Variants in EPHB2 observed in about 807,000 individuals in gnomAD.
EPHB2 encodes the protein ephrin type-B receptor 2.
Under a neutral mutation model 96.4 loss-of-function variants are expected in EPHB2, and 18 were observed. The ratio of observed to expected loss-of-function variants is 0.19; its 90% confidence interval spans 0.13 to 0.28. The LOEUF (loss-of-function observed/expected upper bound fraction) is 0.28, where lower values mean the gene tolerates loss of function less well. Ranked by LOEUF, EPHB2 falls within the 10% of genes least tolerant of loss-of-function variation. EPHB2 has a pLI of 1.00. For synonymous variants in EPHB2, 506 were observed against 534.1 expected, an observed-to-expected ratio of 0.95 and a Z score of 0.72; for missense variants, 989 against 1,355.4, an observed-to-expected ratio of 0.73 and a Z score of 4.25.
In EPHB2 at chr1:22,790,329, T is replaced by C. The variant is rs920226838; in HGVS notation, c.811+5253T>C. ...TCGCATGCCTAATCGGGGTCTACAC[T>C]GGGCATACAGCTGCCAGGTGAGGAT... is the stretch of plus-strand genomic sequence containing the variant. On this transcript the variant is annotated intron_variant, in intron 3 of 15. Transcript: ENST00000374630. The surrounding 1 kb of genome is among the most constrained non-coding windows in gnomAD (Gnocchi z 4.0). 6.6e-6 allele frequency among the ~76,000 whole-genome samples: 1 copy of C among 152,136 alleles called. No homozygotes were observed. Among genetic ancestry groups the C allele is most frequent in the African/African-American group, 2.4e-5 (1 of 41,414 alleles).
At chr1:22,814,365 T>C (rs1645043407) in intron 3 of EPHB2, among the ~76,000 whole-genome samples, 1 of 152,100 alleles carries the variant, frequency 6.6e-6, no homozygotes, top group Non-Finnish European at 1.5e-5. Context: ...ATGACTGCCC[T>C]AATGCAAGTC....
intron 1 of EPHB2, among the ~76,000 whole-genome samples, chr1:22,760,598 GC>G (rs1644222093): frequency 6.6e-6 from 1 of 152,140 alleles, no homozygotes; most frequent in Non-Finnish European, 1.5e-5. Flanking sequence ...TGTCATCCTG[GC>G]CACAGGAGGG....
intron 5 of EPHB2, among the ~76,000 whole-genome samples, chr1:22,870,411 GA>G (rs1428826339): frequency 2.6e-5 from 4 of 152,174 alleles, no homozygotes; most frequent in African/African-American, 9.7e-5. Context: ...GACAGTGGCA[GA>G]CCCAGGAGTC....
At chr1:22,794,567 GTCTATGCCTTTGTGCCT>G (rs1484957909) in intron 3 of EPHB2, among the ~76,000 whole-genome samples, 10 of 152,160 alleles carry the variant, frequency 6.6e-5, no homozygotes, top group Non-Finnish European at 1.5e-4. Context: ...GCAGGGACAG[GTCTATGCCTTTGTGCCT>G]TCCACTTCTG....
rs1645737934 is a variant in EPHB2 at position 22,858,415 on chromosome 1, G to T, written c.812-4622G>T. Among the ~76,000 whole-genome samples, 1 of 152,260 alleles carries T rather than the reference G, an allele frequency of 6.6e-6. No individual in the cohort carries two copies. The highest frequency in any genetic ancestry group is 2.1e-4 in the South Asian group (1 of 4,824). ...GGGACTGTGGAAGATTGGCAGAGAGGCCACAGTGGAGCAGAGACCCATTCG... is the reference window on the plus strand; with the variant it reads ...GGGACTGTGGAAGATTGGCAGAGAGTCCACAGTGGAGCAGAGACCCATTCG... On this transcript the variant is annotated intron_variant, in intron 3 of 15. Coordinates refer to ENST00000374630, the MANE Select transcript of EPHB2 (RefSeq NM_017449.5). This position sits in a 1 kb window ranked among gnomAD's most constrained non-coding sequence, Gnocchi z 7.7.
intron 5 of EPHB2, among the ~76,000 whole-genome samples, chr1:22,874,546 G>T (rs1014837902): frequency 6.6e-6 from 1 of 152,240 alleles, no homozygotes; most frequent in Non-Finnish European, 1.5e-5. Flanking sequence ...GGGCCTTACA[G>T]TCAGACAGAC....
chr1:22,905,602 C>G (rs1168195678), intron 9 of EPHB2, among the ~76,000 whole-genome samples: 1 of 152,174 alleles, frequency 6.6e-6, no homozygotes, highest in African/African-American at 2.4e-5. Context: ...TTTTTGCCCC[C>G]TTCTTCGTTT....
At chr1:22,810,229 C>A (rs900799846) in intron 3 of EPHB2, among the ~76,000 whole-genome samples, 2 of 152,126 alleles carry the variant, frequency 1.3e-5, no homozygotes, top group Non-Finnish European at 2.9e-5. Flanking sequence ...GGGACCCTGC[C>A]ACTGCCAACA....
At position 22,822,004 on chromosome 1, in the gene EPHB2, G is replaced by T. The variant is rs116593632; in HGVS notation, c.811+36928G>T. Among the ~76,000 whole-genome samples, 782 of 152,332 alleles carry T rather than the reference G, an allele frequency of 5.1e-3. 2 individuals are homozygous for T. Among genetic ancestry groups the T allele is most frequent in the Non-Finnish European group, 7.9e-3 (539 of 68,038 alleles). On this transcript the variant is annotated intron_variant, in intron 3 of 15. Transcript: ENST00000374630. Reference sequence around the variant, plus strand: ...AAAAAAACTAAGGTCCTTGGATGATGCTGGGAGGAAAGAATAATCTTTATT... The same window carrying T: ...AAAAAAACTAAGGTCCTTGGATGATTCTGGGAGGAAAGAATAATCTTTATT...
rs66686608 is a variant in EPHB2, at chr1:22,734,422, CTT to C, written c.61+23395_61+23396del. Reference sequence around the variant, plus strand: ...AAAGTACCACCAGAATGTCAATATTCTTTTTTTTTTTTTTTTTGAGACTGAGT... The same window carrying C: ...AAAGTACCACCAGAATGTCAATATTCTTTTTTTTTTTTTTTGAGACTGAGT... On this transcript the variant is annotated intron_variant, in intron 1 of 15. Coordinates refer to ENST00000374630, the MANE Select transcript of EPHB2 (RefSeq NM_017449.5). Among the ~76,000 whole-genome samples the C allele has an allele frequency of 6.4e-3, 865 of 135,626 alleles. 25 individuals are homozygous for C. The highest frequency in any genetic ancestry group is 0.05 in the Admixed American group (684 of 13,560). The allele number at this position is 135,626 out of a possible 152,430, so 89.0% of individuals were successfully genotyped here. A position where few individuals can be genotyped will look rare whatever the true frequency, so the allele number is the denominator to read the frequency against.
chr1:22,912,432 C>G lies in EPHB2; in HGVS notation c.2697-12C>G. On this transcript the variant is annotated splice_polypyrimidine_tract_variant and intron_variant, in intron 14 of 15. Transcript: ENST00000374630. ...TGCCCTGACCATCTCTGTCGCCCAC[C>G]CCCAACCCCAGCATCAACCTGCCGC... The G allele has an allele frequency of 6.2e-7, 1 of 1,613,920 alleles. No individual in the cohort carries two copies.
chr1:22,712,788 A>G (rs1003866820), intron 1 of EPHB2, among the ~76,000 whole-genome samples: 5 of 152,176 alleles, frequency 3.3e-5, no homozygotes, highest in African/African-American at 1.2e-4. Flanking sequence ...ACCACTTATT[A>G]ACTCTGGCTT....
At chr1:22,900,175 T>G (rs1437677178) in intron 9 of EPHB2, among the ~76,000 whole-genome samples, 3 of 149,300 alleles carry the variant, frequency 2.0e-5, no homozygotes, top group African/African-American at 7.5e-5. Flanking sequence ...ACGCCTGTAA[T>G]CCCAGCTACT....
At chr1:22,716,494 G>A (rs2148332227) in intron 1 of EPHB2, among the ~76,000 whole-genome samples, 1 of 152,262 alleles carries the variant, frequency 6.6e-6, no homozygotes, top group Admixed American at 6.5e-5. Context: ...ACTACACCCG[G>A]CTAATTTTTT....
Position 22,785,092 on chromosome 1 carries a change from G to C in EPHB2, c.811+16G>C. The C allele has an allele frequency of 6.2e-7, 1 of 1,613,276 alleles. No homozygotes were observed. Among genetic ancestry groups the C allele is most frequent in the South Asian group, 1.1e-5 (1 of 91,054 alleles). ...GTCTGCCGAGGTAAGGGCCAGGGTG[G>C]GGCACGTGCCCCTGCAAATGCATAG... is the stretch of plus-strand genomic sequence containing the variant. On this transcript the variant is annotated intron_variant, in intron 3 of 15. Coordinates refer to ENST00000374630, the MANE Select transcript of EPHB2 (RefSeq NM_017449.5).
chr1:22,898,221 GC>G (rs1332563678), intron 9 of EPHB2, among the ~76,000 whole-genome samples: 3 of 152,250 alleles, frequency 2.0e-5, no homozygotes, highest in Admixed American at 1.3e-4. Context: ...AGATGAAAGT[GC>G]TATAGGAAAA....
chr1:22,880,440 G>T (rs192278543), intron 5 of EPHB2, among the ~76,000 whole-genome samples: 1 of 152,190 alleles, frequency 6.6e-6, no homozygotes, highest in Non-Finnish European at 1.5e-5. Context: ...TCACAGACCC[G>T]CCCAGGAATG....
intron 3 of EPHB2, among the ~76,000 whole-genome samples, chr1:22,824,579 G>A (rs1048392166): frequency 3.3e-5 from 5 of 152,228 alleles, no homozygotes; most frequent in Non-Finnish European, 7.3e-5. Context: ...GGGAAGACGG[G>A]TGGAGGCTGG....
At chr1:22,809,726 G>C (rs1644977327) in intron 3 of EPHB2, among the ~76,000 whole-genome samples, 1 of 152,136 alleles carries the variant, frequency 6.6e-6, no homozygotes, top group Non-Finnish European at 1.5e-5. Context: ...CTCCCTCTTG[G>C]TCTCTGGTTG....
Sources: gnomAD v4.1 joint callset for allele counts (sites outside exome capture counted in the v4.1 genomes callset) on GRCh38, gnomAD v4.1.1 for gene constraint, Gnocchi (gnomAD v3.1) non-coding constraint, MANE v1.5 for transcripts, NCBI Gene and HGNC (gene_info 2026-07-23, HGNC 2026-07-21) for gene names.